Variants in KIRREL3 observed in about 807,000 individuals in gnomAD.
KIRREL3 encodes kirre like nephrin family adhesion molecule 3, also known as kin of IRRE-like protein 3.
In KIRREL3, 36 loss-of-function variants were observed where a neutral mutation model predicts 89.7. That is an observed-to-expected ratio of 0.40 (90% CI 0.31 to 0.53). KIRREL3 has a LOEUF of 0.53. KIRREL3 is among the 20% of genes least tolerant of loss of function. The pLI is 0.49. For synonymous variants in KIRREL3, 445 were observed against 441.4 expected (o/e 1.01, Z -0.10); for missense variants, 864 against 1,056.6 (o/e 0.82, Z 2.53).
intron 1 of KIRREL3, among the ~76,000 whole-genome samples, chr11:126,806,420 C>A (rs940940431): frequency 1.3e-5 from 2 of 152,158 alleles, no homozygotes; most frequent in Non-Finnish European, 2.9e-5. Flanking sequence ...AGAATTAGTC[C>A]TCTTCAGTCC....
intron 1 of KIRREL3, chr11:126,988,435 C>G (rs930342760): frequency 5.2e-5 from 8 of 152,796 alleles, no homozygotes; most frequent in Non-Finnish European, 1.0e-4. Context: ...GCAGGGGTTT[C>G]TGTGGCTTGC....
rs190220933 is a variant in KIRREL3 at position 126,645,433 on chromosome 11, G to A, written c.56-82521C>T. ...TGAGGGCAGAGACCAGACCATCTCC[G>A]CAGCCTCTCAGGCTACAGGGTACCC... On this transcript the variant is annotated intron_variant, in intron 1 of 16. Transcript: ENST00000525144. This position sits in a 1 kb window ranked among gnomAD's most constrained non-coding sequence, Gnocchi z 4.9. Among the ~76,000 whole-genome samples, 338 of 152,208 alleles carry A rather than the reference G, an allele frequency of 2.2e-3. 6 individuals carry two copies. The highest frequency in any genetic ancestry group is 0.02 in the Admixed American group (303 of 15,288).
Position 126,750,904 on chromosome 11 carries a change from A to G in KIRREL3, c.56-187992T>C, listed in dbSNP as rs1194279401. On this transcript the variant is annotated intron_variant, in intron 1 of 16. Coordinates refer to ENST00000525144, the MANE Select transcript of KIRREL3 (RefSeq NM_032531.4). This position sits in a 1 kb window ranked among gnomAD's most constrained non-coding sequence, Gnocchi z 4.2. ...CACTTTAGGGATGGCTTTGATTTGC[A>G]GGGCACCTCTCCCTAAGGTGCTAAA... Among the ~76,000 whole-genome samples the G allele has an allele frequency of 6.6e-6, 1 of 152,210 alleles. No homozygotes were observed. The highest frequency in any genetic ancestry group is 2.4e-5 in the African/African-American group (1 of 41,444).
rs1448559473 is a variant in KIRREL3 at position 126,476,671 on chromosome 11, G to T, written c.434-3205C>A. ...CCAGATGGGGGTGGGGGCTGGGGGG[G>T]GGTGGGGGTTGGTGAGGATGGAGGA... On this transcript the variant is annotated intron_variant, in intron 4 of 16. Coordinates refer to ENST00000525144, the MANE Select transcript of KIRREL3 (RefSeq NM_032531.4). The surrounding 1 kb of genome is among the most constrained non-coding windows in gnomAD (Gnocchi z 6.4). 5.5e-5 allele frequency among the ~76,000 whole-genome samples: 8 copies of T among 146,462 alleles called. No individual in the cohort carries two copies. In the South Asian group the frequency reaches 1.3e-3, roughly 24 times the overall value.
intron 1 of KIRREL3, among the ~76,000 whole-genome samples, chr11:126,849,609 T>C (rs1944273131): frequency 6.6e-6 from 1 of 152,020 alleles, no homozygotes. Context: ...TGACCGGAAA[T>C]CAGCTGCAGA....
rs113712860 is a variant in KIRREL3 at position 126,697,621 on chromosome 11, G to A, written c.56-134709C>T. 4.9e-4 allele frequency among the ~76,000 whole-genome samples: 74 copies of A among 152,338 alleles called. 1 individual carries two copies. Among genetic ancestry groups the A allele is most frequent in the African/African-American group, 1.8e-3 (74 of 41,578 alleles). ...GCTTTAGATCCAAAAGAGGTCAGAAGATTTAGACCAACCCTAATAACCTGA... is the reference window on the plus strand; with the variant it reads ...GCTTTAGATCCAAAAGAGGTCAGAAAATTTAGACCAACCCTAATAACCTGA... On this transcript the variant is annotated intron_variant, in intron 1 of 16. Transcript: ENST00000525144. This position sits in a 1 kb window ranked among gnomAD's most constrained non-coding sequence, Gnocchi z 4.2.
rs948343030 is a variant in KIRREL3 at position 126,788,213 on chromosome 11, C to T, written c.55+212242G>A. Among the ~76,000 whole-genome samples, 1 of 152,240 alleles carries T rather than the reference C, an allele frequency of 6.6e-6. No homozygotes were observed. Among genetic ancestry groups the T allele is most frequent in the African/African-American group, 2.4e-5 (1 of 41,466 alleles). ...TGCACAATCTGGAAGGAAATCGTTTCTAACCATCTCTTTTTCATTCCTATG... is the reference window on the plus strand; with the variant it reads ...TGCACAATCTGGAAGGAAATCGTTTTTAACCATCTCTTTTTCATTCCTATG... On this transcript the variant is annotated intron_variant, in intron 1 of 16. Transcript: ENST00000525144. The surrounding 1 kb of genome is among the most constrained non-coding windows in gnomAD (Gnocchi z 4.1).
At chr11:126,878,942 C>T (rs772171560) in intron 1 of KIRREL3, among the ~76,000 whole-genome samples, 1 of 152,034 alleles carries the variant, frequency 6.6e-6, no homozygotes, top group Non-Finnish European at 1.5e-5. Context: ...TAACAGGGCT[C>T]AGGTGAAAAG....
At chr11:126,644,224 T>A (rs1327788735) in intron 1 of KIRREL3, among the ~76,000 whole-genome samples, 1 of 152,072 alleles carries the variant, frequency 6.6e-6, no homozygotes, top group Non-Finnish European at 1.5e-5. Context: ...GAAAATCAAG[T>A]AGGCAGAAGG....
At chr11:126,913,173 T>TTAG (rs1946895481) in intron 1 of KIRREL3, among the ~76,000 whole-genome samples, 1 of 152,212 alleles carries the variant, frequency 6.6e-6, no homozygotes, top group Admixed American at 6.5e-5. Context: ...CATGAGATAG[T>TTAG]TAGGGTCAAT....
rs1259311864 is a variant in KIRREL3, at chr11:126,977,346, C to A, written c.55+23109G>T. 6.6e-6 allele frequency among the ~76,000 whole-genome samples: 1 copy of A among 152,196 alleles called. No homozygotes were observed. Among genetic ancestry groups the A allele is most frequent in the Non-Finnish European group, 1.5e-5 (1 of 68,034 alleles). On this transcript the variant is annotated intron_variant, in intron 1 of 16. Coordinates refer to ENST00000525144, the MANE Select transcript of KIRREL3 (RefSeq NM_032531.4). The surrounding 1 kb of genome is among the most constrained non-coding windows in gnomAD (Gnocchi z 4.7). ...TCATTCGTTTGGTGCTGTCAAAACA[C>A]TGAAGCTGCCATCTTTCTTGAGCCA...
intron 1 of KIRREL3, among the ~76,000 whole-genome samples, chr11:126,644,951 G>A (rs1048269227): frequency 6.6e-6 from 1 of 152,178 alleles, no homozygotes; most frequent in African/African-American, 2.4e-5. Context: ...GTCCTACAAG[G>A]CACCGTTGCA....
rs573236336 is a variant in KIRREL3, at chr11:126,780,787, CAT to C, written c.56-217877_56-217876del. Among the ~76,000 whole-genome samples, 33 of 152,284 alleles carry C rather than the reference CAT, an allele frequency of 2.2e-4. No homozygotes were observed. In the East Asian group the frequency reaches 6.2e-3, roughly 28 times the overall value. Reference sequence around the variant, plus strand: ...GTGGTCTTTACATGAAATCAACAAACATATATGGAGCTTTAAATATGCATCAA... The same window carrying C: ...GTGGTCTTTACATGAAATCAACAAACATATGGAGCTTTAAATATGCATCAA... On this transcript the variant is annotated intron_variant, in intron 1 of 16. Transcript: ENST00000525144. This position sits in a 1 kb window ranked among gnomAD's most constrained non-coding sequence, Gnocchi z 5.3.
chr11:126,824,943 A>G (rs1429102187), intron 1 of KIRREL3, among the ~76,000 whole-genome samples: 1 of 152,190 alleles, frequency 6.6e-6, no homozygotes, highest in East Asian at 1.9e-4. Context: ...CTCCTAGTGG[A>G]CAAATTGTGA....
chr11:126,964,466 A>T (rs1023118786), intron 1 of KIRREL3, among the ~76,000 whole-genome samples: 1 of 152,142 alleles, frequency 6.6e-6, no homozygotes, highest in Non-Finnish European at 1.5e-5. Flanking sequence ...ACTTTATTCC[A>T]TGTTGGGTAG....
rs1246582755 is a variant in KIRREL3, at chr11:126,601,023, C to T, written c.56-38111G>A. Among the ~76,000 whole-genome samples, 1 of 152,160 alleles carries T rather than the reference C, an allele frequency of 6.6e-6. No individual in the cohort carries two copies. Among genetic ancestry groups the T allele is most frequent in the Non-Finnish European group, 1.5e-5 (1 of 68,024 alleles). ...ATCCAGTGACCTTTTCAGGAAATTACCCAGGATTTCACAATCTTAGTCAGA... is the reference window on the plus strand; with the variant it reads ...ATCCAGTGACCTTTTCAGGAAATTATCCAGGATTTCACAATCTTAGTCAGA... On this transcript the variant is annotated intron_variant, in intron 1 of 16. Transcript: ENST00000525144. This position sits in a 1 kb window ranked among gnomAD's most constrained non-coding sequence, Gnocchi z 5.8.
rs938744986 is a variant in KIRREL3, at chr11:126,797,180, G to A, written c.55+203275C>T. ...GCACTGAATTTGGGGCTGTGTTACT[G>A]TGCAGGGAATATGAGCCTAGGCTCT... On this transcript the variant is annotated intron_variant, in intron 1 of 16. Coordinates refer to ENST00000525144, the MANE Select transcript of KIRREL3 (RefSeq NM_032531.4). The surrounding 1 kb of genome is among the most constrained non-coding windows in gnomAD (Gnocchi z 4.9). Among the ~76,000 whole-genome samples the A allele has an allele frequency of 2.6e-5, 4 of 152,146 alleles. No homozygotes were observed. Among genetic ancestry groups the A allele is most frequent in the African/African-American group, 9.7e-5 (4 of 41,436 alleles).
At chr11:126,447,716 G>A (rs1353489252) in intron 8 of KIRREL3, among the ~76,000 whole-genome samples, 1 of 152,210 alleles carries the variant, frequency 6.6e-6, no homozygotes, top group Non-Finnish European at 1.5e-5. Flanking sequence ...CCGTGGCCAG[G>A]CAGGCCTCAG....
chr11:126,739,305 G>T lies in KIRREL3; in HGVS notation c.56-176393C>A, dbSNP rs1948905071. ...GACTGCCTTTTGGCATGGTTATGGG[G>T]CTTCTCTGCAAATTGCTTCATCCTC... On this transcript the variant is annotated intron_variant, in intron 1 of 16. Transcript: ENST00000525144. This position sits in a 1 kb window ranked among gnomAD's most constrained non-coding sequence, Gnocchi z 5.5. Among the ~76,000 whole-genome samples, 1 of 152,242 alleles carries T rather than the reference G, an allele frequency of 6.6e-6. No individual in the cohort carries two copies. Among genetic ancestry groups the T allele is most frequent in the African/African-American group, 2.4e-5 (1 of 41,466 alleles).
Sources: gnomAD v4.1 joint callset for allele counts (sites outside exome capture counted in the v4.1 genomes callset) on GRCh38, gnomAD v4.1.1 for gene constraint, Gnocchi (gnomAD v3.1) non-coding constraint, MANE v1.5 for transcripts, NCBI Gene and HGNC (gene_info 2026-07-23, HGNC 2026-07-21) for gene names.